Variants in GALNTL6 observed in about 807,000 individuals in gnomAD.
GALNTL6 encodes polypeptide N-acetylgalactosaminyltransferase-like 6.
A neutral mutation model predicts 73.7 loss-of-function variants in GALNTL6; 46 were observed. That is an observed-to-expected ratio of 0.62 (90% CI 0.49 to 0.80). The LOEUF (loss-of-function observed/expected upper bound fraction) is 0.80, where lower values mean the gene tolerates loss of function less well. GALNTL6 is among the 30% of genes least tolerant of loss of function. The pLI is 0.00. For missense variants in GALNTL6, 604 were observed against 755.0 expected (o/e 0.80, Z 2.34); for synonymous variants, 259 against 263.7 (o/e 0.98, Z 0.17).
At chr4:172,216,290 A>G (rs909960984) in intron 2 of GALNTL6, among the ~76,000 whole-genome samples, 12 of 151,894 alleles carry the variant, frequency 7.9e-5, no homozygotes, top group Non-Finnish European at 1.6e-4. Context: ...CTTCTGAAAA[A>G]TAATTTCACT....
chr4:172,062,162 G>T (rs1731224469), intron 2 of GALNTL6, among the ~76,000 whole-genome samples: 1 of 151,544 alleles, frequency 6.6e-6, no homozygotes, highest in Non-Finnish European at 1.5e-5. Context: ...TGCTATGTTG[G>T]CCAGGCTTGT....
intron 2 of GALNTL6, among the ~76,000 whole-genome samples, chr4:171,910,833 T>C (rs1170340755): frequency 6.6e-6 from 1 of 152,222 alleles, no homozygotes; most frequent in African/African-American, 2.4e-5. Context: ...GTACTCATAA[T>C]ATTTATATAC....
intron 3 of GALNTL6, among the ~76,000 whole-genome samples, chr4:172,250,560 A>C (rs1204450267): frequency 6.6e-6 from 1 of 152,076 alleles, no homozygotes; most frequent in African/African-American, 2.4e-5. Context: ...GAGGGACCCC[A>C]TAAGATCTGA....
chr4:171,951,403 C>G (rs1167922798), intron 2 of GALNTL6, among the ~76,000 whole-genome samples: 2 of 151,876 alleles, frequency 1.3e-5, no homozygotes, highest in Non-Finnish European at 2.9e-5. Flanking sequence ...TTCAATTATG[C>G]TATATCACCT....
intron 7 of GALNTL6, among the ~76,000 whole-genome samples, chr4:172,828,931 G>A (rs1742462787): frequency 6.6e-6 from 1 of 152,116 alleles, no homozygotes; most frequent in Admixed American, 6.5e-5. Context: ...AGTCCTGGAG[G>A]GCAAGAAGTC....
At chr4:172,077,143 G>T (rs1177013210) in intron 2 of GALNTL6, among the ~76,000 whole-genome samples, 1 of 152,110 alleles carries the variant, frequency 6.6e-6, no homozygotes, top group African/African-American at 2.4e-5. Context: ...CCAGTCTCTG[G>T]TAGTTCTTTA....
chr4:173,006,055 G>T (rs1752263829), intron 10 of GALNTL6, among the ~76,000 whole-genome samples: 1 of 152,160 alleles, frequency 6.6e-6, no homozygotes, highest in East Asian at 1.9e-4. Flanking sequence ...CAGTGTTCCT[G>T]GCTTGGGTAT....
chr4:172,807,205 G>A (rs1218463808), intron 5 of GALNTL6, among the ~76,000 whole-genome samples: 2 of 152,138 alleles, frequency 1.3e-5, no homozygotes, highest in Admixed American at 6.5e-5. Context: ...TGAGCAGAGG[G>A]GCAGGAGCAA....
intron 8 of GALNTL6, among the ~76,000 whole-genome samples, chr4:172,898,219 ATTTT>A (rs1370071572): frequency 2.0e-5 from 3 of 151,714 alleles, no homozygotes; most frequent in African/African-American, 7.3e-5. Flanking sequence ...CATATGAACA[ATTTT>A]TTTATTATTT....
intron 5 of GALNTL6, among the ~76,000 whole-genome samples, chr4:172,422,815 T>A (rs1248130637): frequency 6.6e-6 from 1 of 151,602 alleles, no homozygotes; most frequent in South Asian, 2.1e-4. Context: ...GAAACTCCAT[T>A]TTCCAGTTGC....
intron 5 of GALNTL6, among the ~76,000 whole-genome samples, chr4:172,452,208 T>C (rs1005032362): frequency 6.6e-6 from 1 of 152,018 alleles, no homozygotes; most frequent in Non-Finnish European, 1.5e-5. Flanking sequence ...AAACAGACCA[T>C]GGGATGGAGT....
chr4:172,431,331 G>T (rs573430624), intron 5 of GALNTL6, among the ~76,000 whole-genome samples: 4 of 152,184 alleles, frequency 2.6e-5, no homozygotes, highest in East Asian at 3.9e-4. Context: ...GTATTTGAAG[G>T]TACTGACTAC....
In GALNTL6 at chr4:172,836,811, A is replaced by C. The variant is rs140930082; in HGVS notation, c.923+23088A>C. ...ATCAAACCAAGAATAAAATTATTTT[A>C]ATTATGGTCAACTGGGTAAGGAACA... On this transcript the variant is annotated intron_variant, in intron 7 of 12. Transcript: ENST00000506823. Among the ~76,000 whole-genome samples, 1,098 of 152,250 alleles carry C rather than the reference A, an allele frequency of 7.2e-3. 12 individuals carry two copies. The highest frequency in any genetic ancestry group is 0.026 in the African/African-American group (1,060 of 41,542).
At chr4:172,607,957 T>G (rs1374928130) in intron 5 of GALNTL6, among the ~76,000 whole-genome samples, 1 of 152,152 alleles carries the variant, frequency 6.6e-6, no homozygotes, top group African/African-American at 2.4e-5. Context: ...GTTCTTTGCA[T>G]GTGAATTTGG....
At chr4:172,840,522 A>G (rs1743151794) in intron 7 of GALNTL6, among the ~76,000 whole-genome samples, 1 of 152,142 alleles carries the variant, frequency 6.6e-6, no homozygotes, top group Non-Finnish European at 1.5e-5. Context: ...CCTGCTCACC[A>G]TTCATCCATT....
intron 5 of GALNTL6, among the ~76,000 whole-genome samples, chr4:172,606,181 A>G (rs1738249535): frequency 6.6e-6 from 1 of 152,184 alleles, no homozygotes; most frequent in African/African-American, 2.4e-5. Context: ...TAATAGCACT[A>G]TAAAGGATGA....
intron 2 of GALNTL6, among the ~76,000 whole-genome samples, chr4:172,058,196 A>C (rs1731089250): frequency 6.6e-6 from 1 of 151,696 alleles, no homozygotes; most frequent in South Asian, 2.1e-4. Context: ...CCTGGGCTCA[A>C]GTGATCTTCC....
intron 7 of GALNTL6, among the ~76,000 whole-genome samples, chr4:172,862,006 C>T (rs180839882): frequency 5.3e-5 from 8 of 152,214 alleles, no homozygotes; most frequent in East Asian, 1.9e-4. Context: ...AATGTGGAAG[C>T]GACTTTGGAA....
chr4:172,154,081 A>C (rs6815512), intron 2 of GALNTL6, among the ~76,000 whole-genome samples: 71,169 of 149,144 alleles, frequency 0.48, 17,848 homozygotes, highest in African/African-American at 0.61. Flanking sequence ...ACTTTATTAC[A>C]ATTAGGAAAT....
Sources: allele counts gnomAD v4.1 joint callset (sites outside exome capture counted in the v4.1 genomes callset), GRCh38; gene constraint gnomAD v4.1.1; transcripts MANE v1.5; gene names NCBI Gene and HGNC (gene_info 2026-07-23, HGNC 2026-07-21).